Variants in VEPH1 observed in about 807,000 individuals in gnomAD.
The protein encoded by VEPH1 is ventricular zone expressed PH domain containing 1.
VEPH1 carries 80 observed loss-of-function variants against 85.2 expected under a neutral mutation model. The ratio of observed to expected loss-of-function variants is 0.94; its 90% CI spans 0.78 to 1.13. The LOEUF (loss-of-function observed/expected upper bound fraction) is 1.13, where lower values mean the gene tolerates loss of function less well. Ranked by LOEUF, VEPH1 falls within the 50% of genes most tolerant of loss-of-function variation. The pLI, the probability that VEPH1 is intolerant of heterozygous loss-of-function variation, is 0.00. For missense variants in VEPH1, 955 were observed against 980.5 expected (o/e 0.97, Z 0.35); for synonymous variants, 297 against 348.0 (o/e 0.85, Z 1.63).
intron 9 of VEPH1, among the ~76,000 whole-genome samples, chr3:157,318,632 AAAAGAAAGAAAG>A (rs67604867): frequency 0.048 from 6,236 of 128,588 alleles, 204 homozygotes; most frequent in South Asian, 0.13. Context: ...AACAAAAAAA[AAAAGAAAGAAAG>A]AAAGAAAGAA....
At chr3:157,354,528 T>C (rs1310347747) in intron 9 of VEPH1, among the ~76,000 whole-genome samples, 5 of 152,172 alleles carry the variant, frequency 3.3e-5, no homozygotes, top group African/African-American at 7.2e-5. Flanking sequence ...TGTTCCGTCC[T>C]TGCTGCTTCT....
intron 9 of VEPH1, among the ~76,000 whole-genome samples, chr3:157,351,684 A>T (rs1456987624): frequency 6.6e-6 from 1 of 152,238 alleles, no homozygotes; most frequent in Non-Finnish European, 1.5e-5. Context: ...CTGATTCAAT[A>T]GGTCTAGGGT....
At chr3:157,396,147 A>T (rs1293429547) in intron 6 of VEPH1, among the ~76,000 whole-genome samples, 2 of 152,012 alleles carry the variant, frequency 1.3e-5, no homozygotes, top group Non-Finnish European at 2.9e-5. Context: ...ATGTGTTCTC[A>T]TTGTTCAGCT....
At chr3:157,293,231 A>C (rs148426189) in intron 11 of VEPH1, among the ~76,000 whole-genome samples, 94 of 152,284 alleles carry the variant, frequency 6.2e-4, no homozygotes, top group African/African-American at 2.2e-3. Flanking sequence ...CAGAGGCAGC[A>C]GGGCACTGAT....
intron 12 of VEPH1, among the ~76,000 whole-genome samples, chr3:157,269,462 T>C (rs1057055779): frequency 2.6e-5 from 4 of 152,256 alleles, no homozygotes; most frequent in East Asian, 3.9e-4. Flanking sequence ...AACTTTAAAG[T>C]AGCTGAATGT....
intron 4 of VEPH1, among the ~76,000 whole-genome samples, chr3:157,436,545 C>T (rs1733589727): frequency 6.6e-6 from 1 of 152,116 alleles, no homozygotes; most frequent in Non-Finnish European, 1.5e-5. Context: ...AATTTCTCCC[C>T]TACCACCCCT....
intron 6 of VEPH1, among the ~76,000 whole-genome samples, chr3:157,394,758 G>A (rs1214196187): frequency 6.6e-6 from 1 of 152,128 alleles, no homozygotes; most frequent in African/African-American, 2.4e-5. Context: ...CTGAAACTAA[G>A]ACCTCTAAGC....
intron 5 of VEPH1, among the ~76,000 whole-genome samples, chr3:157,418,660 C>G (rs553417796): frequency 6.6e-6 from 1 of 151,674 alleles, no homozygotes; most frequent in East Asian, 1.9e-4. Flanking sequence ...GAACTACAAA[C>G]CACTGCTCAA....
chr3:157,409,626 G>A, intron 6 of VEPH1: 1 of 985,364 alleles, frequency 1.0e-6, no homozygotes, highest in African/African-American at 1.7e-5. Context: ...TCTGCCGAAT[G>A]TAATATAGAT....
chr3:157,423,080 C>G (rs568483714), intron 5 of VEPH1, among the ~76,000 whole-genome samples: 7 of 152,286 alleles, frequency 4.6e-5, no homozygotes, highest in African/African-American at 1.7e-4. Flanking sequence ...CATGTCTTCA[C>G]TATTTTTGTC....
chr3:157,382,177 T>A (rs990702297), intron 6 of VEPH1, among the ~76,000 whole-genome samples: 60 of 152,218 alleles, frequency 3.9e-4, no homozygotes, highest in Non-Finnish European at 2.8e-4. Context: ...TCTTTCAGTG[T>A]ATTACAGTTT....
intron 9 of VEPH1, among the ~76,000 whole-genome samples, chr3:157,350,991 A>G (rs1273537460): frequency 1.3e-5 from 2 of 152,262 alleles, no homozygotes; most frequent in Non-Finnish European, 2.9e-5. Flanking sequence ...TAGAACTACC[A>G]TATGACACAG....
At chr3:157,299,745 A>C (rs957544835) in intron 11 of VEPH1, among the ~76,000 whole-genome samples, 2 of 152,130 alleles carry the variant, frequency 1.3e-5, no homozygotes, top group Non-Finnish European at 2.9e-5. Context: ...CAAAGACATC[A>C]AAATCAAACA....
chr3:157,286,563 C>A lies in VEPH1; in HGVS notation c.2122G>T (p.Ala708Ser), dbSNP rs747544397. ...QCFMCNNPEK[A>S]TVVNQDGQPL... The stretch of plus-strand genomic sequence containing the variant: ...GCAGGTAAGGGTCTCTCACCAGTTG[C>A]TTTCTCAGGATTGTTGCACATGAAG... Residue 708 changes from alanine (A) to serine (S), a missense_variant, in exon 12 of 14, where the codon GCA becomes TCA. Transcript: ENST00000362010. 1.9e-6 allele frequency: 3 copies of A among 1,613,856 alleles called. No individual in the cohort carries two copies. In the South Asian group the frequency reaches 3.3e-5, roughly 18 times the overall value.
intron 6 of VEPH1, among the ~76,000 whole-genome samples, chr3:157,400,773 C>G (rs903349577): frequency 7.2e-5 from 11 of 152,014 alleles, no homozygotes; most frequent in African/African-American, 2.7e-4. Context: ...TTATGGAAGT[C>G]TATCTAATTT....
chr3:157,403,296 G>T (rs1730905821), intron 6 of VEPH1, among the ~76,000 whole-genome samples: 1 of 152,014 alleles, frequency 6.6e-6, no homozygotes, highest in Admixed American at 6.6e-5. Flanking sequence ...CAATAGAAAA[G>T]ACTTGTACAT....
At chr3:157,322,781 C>A (rs147298005) in intron 9 of VEPH1, among the ~76,000 whole-genome samples, 90 of 152,200 alleles carry the variant, frequency 5.9e-4, no homozygotes, top group African/African-American at 2.0e-3. Flanking sequence ...TTTAATTCTT[C>A]TTTATTGTAT....
intron 9 of VEPH1, among the ~76,000 whole-genome samples, chr3:157,338,289 A>G (rs1000707212): frequency 6.6e-6 from 1 of 152,192 alleles, no homozygotes; most frequent in Non-Finnish European, 1.5e-5. Flanking sequence ...TTCAAAGGTT[A>G]AATCTGTAAA....
intron 2 of VEPH1, among the ~76,000 whole-genome samples, chr3:157,488,503 C>CTTTT (rs368748738): frequency 2.2e-5 from 3 of 134,206 alleles, no homozygotes; most frequent in African/African-American, 2.9e-5. Flanking sequence ...TTCTTTCTTT[C>CTTTT]TTTCTTTTTT....
Sources: allele counts gnomAD v4.1 joint callset (sites outside exome capture counted in the v4.1 genomes callset), GRCh38; gene constraint gnomAD v4.1.1; transcripts MANE v1.5; gene names NCBI Gene and HGNC (gene_info 2026-07-23, HGNC 2026-07-21).